SMG6: variants seen among roughly 807,000 people sequenced by gnomAD.
SMG6 encodes the protein SMG6 nonsense mediated mRNA decay factor.
Under a neutral mutation model 142.2 loss-of-function variants are expected in SMG6, and 66 were observed. The observed-to-expected ratio is 0.46, with a 90% CI of 0.38 to 0.57. The LOEUF (loss-of-function observed/expected upper bound fraction) is 0.57, where lower values mean the gene tolerates loss of function less well. Among genes scored for constraint, SMG6 ranks in the 20% least tolerant of loss-of-function variants. The pLI is 0.00. For missense variants in SMG6, 1,793 were observed against 1,832.0 expected, an observed-to-expected ratio of 0.98 and a Z score of 0.39; for synonymous variants, 779 against 702.4, an observed-to-expected ratio of 1.11 and a Z score of -1.72.
At chr17:2,091,886 G>A (rs539367082) in intron 13 of SMG6, among the ~76,000 whole-genome samples, 2 of 150,522 alleles carry the variant, frequency 1.3e-5, no homozygotes, top group African/African-American at 4.9e-5. Context: ...GTTTCACCGT[G>A]TTAGCCAGGA....
At chr17:2,092,174 C>T (rs1450709758) in intron 13 of SMG6, among the ~76,000 whole-genome samples, 1 of 152,078 alleles carries the variant, frequency 6.6e-6, no homozygotes, top group Non-Finnish European at 1.5e-5. Context: ...TCAGTAGAGA[C>T]GGGGTTTCGC....
chr17:2,218,508 T>C (rs772319703), intron 10 of SMG6, among the ~76,000 whole-genome samples: 2 of 152,040 alleles, frequency 1.3e-5, no homozygotes, highest in Non-Finnish European at 2.9e-5. Context: ...ATCGCACCAC[T>C]GCACTCCAGC....
intron 8 of SMG6, among the ~76,000 whole-genome samples, chr17:2,256,786 G>A (rs144855160): frequency 2.1e-5 from 2 of 93,580 alleles, no homozygotes; most frequent in Non-Finnish European, 5.2e-5. Context: ...AAAAAAAATA[G>A]ATAGACAGAT....
chr17:2,125,962 A>G (rs1230658546), intron 13 of SMG6, among the ~76,000 whole-genome samples: 1 of 151,632 alleles, frequency 6.6e-6, no homozygotes, highest in Non-Finnish European at 1.5e-5. Flanking sequence ...CAAAAAAAAA[A>G]AAAAAAAAAT....
At chr17:2,083,445 A>G (rs555351736) in intron 14 of SMG6, among the ~76,000 whole-genome samples, 1 of 152,336 alleles carries the variant, frequency 6.6e-6, no homozygotes, top group East Asian at 1.9e-4. Context: ...ACCTCTCCCA[A>G]TCTGCTGAAG....
chr17:2,266,489 TAAAC>T (rs951370874), intron 8 of SMG6, among the ~76,000 whole-genome samples: 33 of 152,232 alleles, frequency 2.2e-4, no homozygotes, highest in African/African-American at 5.8e-4. Flanking sequence ...ACACAAAAAA[TAAAC>T]AAAGTGACTA....
At chr17:2,249,347 G>A (rs549566175) in intron 8 of SMG6, among the ~76,000 whole-genome samples, 1 of 152,298 alleles carries the variant, frequency 6.6e-6, no homozygotes, top group South Asian at 2.1e-4. Flanking sequence ...CCAGCCTGGA[G>A]TGCAGTGGCA....
At position 2,255,718 on chromosome 17, in the gene SMG6, G is replaced by T. The variant is rs565181804; in HGVS notation, c.2662-10999C>A. 321 of 189,500 alleles carry T rather than the reference G, an allele frequency of 1.7e-3. 4 individuals are homozygous for T. Among genetic ancestry groups the T allele is most frequent in the Non-Finnish European group, 2.8e-3 (267 of 94,264 alleles). 11.7% of individuals were successfully genotyped at this position (189,500 alleles called of 1,614,324 possible). A position where few individuals can be genotyped will look rare whatever the true frequency, so the allele number is the denominator to read the frequency against. ...GCTCATTGAGACGGGCCATGATGAC[G>T]ATGGCGGTTTTGTGGAATAGAAAGG... On this transcript the variant is annotated intron_variant, in intron 8 of 18. Coordinates refer to ENST00000263073, the MANE Select transcript of SMG6 (RefSeq NM_017575.5).
chr17:2,277,408 C>T (rs1020718089), intron 8 of SMG6, among the ~76,000 whole-genome samples: 7 of 151,934 alleles, frequency 4.6e-5, no homozygotes, highest in African/African-American at 1.2e-4. Flanking sequence ...CCTCGTGATC[C>T]GCCCGCGTTG....
In SMG6 at chr17:2,299,752, C is replaced by T. The variant is rs774482715; in HGVS notation, c.1001G>A (p.Arg334His). 81 of 1,614,226 alleles carry T rather than the reference C, an allele frequency of 5.0e-5. 1 individual carries two copies. The East Asian group carries it at 6.2e-4, about 12-fold the overall frequency. ...KRHLERNWSG[R>H]GEGEQKNSAK... Reference sequence around the variant, plus strand: ...ACTGTTTTTCTGCTCACCCTCCCCACGGCCAGACCAGTTTCTTTCTAAATG... The same window carrying T: ...ACTGTTTTTCTGCTCACCCTCCCCATGGCCAGACCAGTTTCTTTCTAAATG... The change falls in exon 2 of 19, where the codon CGT becomes CAT. Residue 334 changes from arginine (R) to histidine (H), a missense_variant. Coordinates refer to ENST00000263073, the MANE Select transcript of SMG6 (RefSeq NM_017575.5). The surrounding 1 kb of genome is among the most constrained non-coding windows in gnomAD (Gnocchi z 4.3).
At chr17:2,248,513 G>C (rs1042158872) in intron 8 of SMG6, among the ~76,000 whole-genome samples, 2 of 152,090 alleles carry the variant, frequency 1.3e-5, no homozygotes, top group African/African-American at 4.8e-5. Context: ...AGGAGATGAA[G>C]CCCACCTAAT....
chr17:2,139,198 G>C (rs532378515), intron 13 of SMG6, among the ~76,000 whole-genome samples: 1 of 152,186 alleles, frequency 6.6e-6, no homozygotes, highest in South Asian at 2.1e-4. Context: ...ATCTAACAAT[G>C]GGGAAGTTGT....
intron 8 of SMG6, among the ~76,000 whole-genome samples, chr17:2,248,744 T>C (rs1193943594): frequency 6.6e-6 from 1 of 152,104 alleles, no homozygotes; most frequent in Non-Finnish European, 1.5e-5. Context: ...ACACTTCAAT[T>C]AGGAAAGGAG....
chr17:2,194,999 G>C (rs576873705), intron 10 of SMG6, among the ~76,000 whole-genome samples: 2 of 152,204 alleles, frequency 1.3e-5, no homozygotes, highest in East Asian at 3.8e-4. Context: ...CCAGAACAAA[G>C]ACACTTCAGG....
intron 14 of SMG6, among the ~76,000 whole-genome samples, chr17:2,084,029 G>A (rs1191096243): frequency 7.9e-5 from 12 of 152,162 alleles, no homozygotes; most frequent in South Asian, 2.1e-4. Context: ...ACCAAGATCC[G>A]GGACCAGAGA....
chr17:2,183,379 A>C (rs1482102749), intron 12 of SMG6, among the ~76,000 whole-genome samples: 1 of 152,238 alleles, frequency 6.6e-6, no homozygotes, highest in Non-Finnish European at 1.5e-5. Flanking sequence ...CAGTTGTACA[A>C]ACATGAACAC....
intron 13 of SMG6, among the ~76,000 whole-genome samples, chr17:2,113,719 T>TG (rs1040824883): frequency 1.3e-5 from 2 of 152,196 alleles, no homozygotes; most frequent in African/African-American, 2.4e-5. Context: ...CCTGGACCTT[T>TG]GGGGTATGGT....
intron 10 of SMG6, among the ~76,000 whole-genome samples, chr17:2,219,736 T>C (rs2073118592): frequency 1.4e-5 from 2 of 142,270 alleles, no homozygotes; most frequent in Non-Finnish European, 3.0e-5. Context: ...GAGGCTGCAG[T>C]GAATGCAATG....
intron 13 of SMG6, among the ~76,000 whole-genome samples, chr17:2,100,239 T>C (rs2068969153): frequency 6.6e-6 from 1 of 152,184 alleles, no homozygotes; most frequent in African/African-American, 2.4e-5. Flanking sequence ...GGTTTTGCCA[T>C]GTTGGCCAGG....
Sources: gnomAD v4.1 joint callset for allele counts (sites outside exome capture counted in the v4.1 genomes callset) on GRCh38, gnomAD v4.1.1 for gene constraint, Gnocchi (gnomAD v3.1) non-coding constraint, MANE v1.5 for transcripts, NCBI Gene and HGNC (gene_info 2026-07-23, HGNC 2026-07-21) for gene names.